The following MICAL3 variants were observed in gnomAD, a reference collection of about 807,000 sequenced individuals.
The protein encoded by MICAL3 is microtubule associated monooxygenase, calponin and LIM domain containing 3.
A neutral mutation model predicts 207.4 loss-of-function variants in MICAL3; 62 were observed. The ratio of observed to expected loss-of-function variants is 0.30; its 90% CI spans 0.24 to 0.37. The LOEUF is 0.37. Among genes scored for constraint, MICAL3 ranks in the 10% least tolerant of loss-of-function variants. MICAL3 has a pLI of 1.00. For synonymous variants in MICAL3, 1,077 were observed against 1,069.3 expected, an observed-to-expected ratio of 1.01 and a Z score of -0.14; for missense variants, 2,368 against 2,635.6, an observed-to-expected ratio of 0.90 and a Z score of 2.22.
chr22:17,931,021 G>A (rs1395852764), intron 1 of MICAL3, among the ~76,000 whole-genome samples: 4 of 152,196 alleles, frequency 2.6e-5, no homozygotes, highest in Non-Finnish European at 2.9e-5. Flanking sequence ...GCAACAGACC[G>A]GGTTCCGGGC....
rs1467692877 is a variant in MICAL3, at chr22:17,906,681, C to G, written c.132G>C (p.Lys44Asn). The change falls in exon 2 of 32, where the codon AAG becomes AAC. Residue 44 changes from lysine to asparagine, a missense_variant. Coordinates refer to ENST00000441493, the MANE Select transcript of MICAL3 (RefSeq NM_015241.3). ...ELCDHLELKP[K>N]DYRSFYHKLK... ...GCTTGTGATAGAAGGAGCGGTAGTC[C>G]TTTGGCTTTAGTTCCAGGTGGTCAC... is the stretch of plus-strand genomic sequence containing the variant. 1.2e-6 allele frequency: 2 copies of G among 1,613,872 alleles called. No individual in the cohort carries two copies. The highest frequency in any genetic ancestry group is 1.7e-6 in the Non-Finnish European group (2 of 1,179,896).
chr22:17,989,054 C>A (rs1320224083), intron 1 of MICAL3, among the ~76,000 whole-genome samples: 1 of 152,186 alleles, frequency 6.6e-6, no homozygotes, highest in Non-Finnish European at 1.5e-5. Flanking sequence ...CCCGCCTCCA[C>A]AAGATTAACT....
At chr22:17,932,161 CA>C (rs1205106173) in intron 1 of MICAL3, among the ~76,000 whole-genome samples, 1 of 152,026 alleles carries the variant, frequency 6.6e-6, no homozygotes, top group Admixed American at 6.6e-5. Context: ...AGAGCAACCC[CA>C]AGACACATAA....
At chr22:18,015,769 C>T (rs564569744) in intron 1 of MICAL3, among the ~76,000 whole-genome samples, 76 of 152,264 alleles carry the variant, frequency 5.0e-4, no homozygotes, top group African/African-American at 1.8e-3. Context: ...GATGTGCTTG[C>T]TATGTTCTAT....
At chr22:17,835,396 G>A (rs971244306) in intron 20 of MICAL3, among the ~76,000 whole-genome samples, 1 of 152,214 alleles carries the variant, frequency 6.6e-6, no homozygotes, top group Admixed American at 6.5e-5. Flanking sequence ...AGAGGAACCC[G>A]GCAGGAGTTT....
chr22:17,958,242 A>G (rs1014776616), intron 1 of MICAL3, among the ~76,000 whole-genome samples: 5 of 152,242 alleles, frequency 3.3e-5, no homozygotes, highest in Middle Eastern at 3.4e-3. Flanking sequence ...TCCTCTGTCC[A>G]TTACCTCATT....
At chr22:17,901,192 C>T (rs536650615) in intron 5 of MICAL3, among the ~76,000 whole-genome samples, 195 bp from the exon 6 acceptor site, 17 of 152,262 alleles carry the variant, frequency 1.1e-4, no homozygotes, top group South Asian at 6.2e-4. Context: ...GGGAAGAAGT[C>T]AAAGTCTCCA....
At chr22:17,986,341 G>A (rs1921011334) in intron 1 of MICAL3, among the ~76,000 whole-genome samples, 1 of 152,140 alleles carries the variant, frequency 6.6e-6, no homozygotes, top group South Asian at 2.1e-4. Context: ...CCAACATGGT[G>A]AAACCCTGTC....
rs181061931 is a variant in MICAL3 at position 17,820,056 on chromosome 22, G to A, written c.3532-927C>T. Among the ~76,000 whole-genome samples, 338 of 149,968 alleles carry A rather than the reference G, an allele frequency of 2.3e-3. 1 individual carries two copies. The highest frequency in any genetic ancestry group is 8.0e-3 in the African/African-American group (325 of 40,674). On this transcript the variant is annotated intron_variant, in intron 25 of 31. Coordinates refer to ENST00000441493, the MANE Select transcript of MICAL3 (RefSeq NM_015241.3). ...CTGAGGCAGGAGGATTGCTTGAGCC[G>A]AGGAGTTGGGAGGCTGCAGTGAGCC... is the stretch of plus-strand genomic sequence containing the variant.
chr22:17,885,172 G>A (rs1165471553), intron 16 of MICAL3, among the ~76,000 whole-genome samples: 1 of 152,234 alleles, frequency 6.6e-6, no homozygotes, highest in Non-Finnish European at 1.5e-5. Flanking sequence ...TGCATGGCAT[G>A]TGGGAGTGCT....
intron 1 of MICAL3, among the ~76,000 whole-genome samples, chr22:17,999,664 T>TG (rs1265506495): frequency 6.6e-6 from 1 of 152,098 alleles, no homozygotes; most frequent in Admixed American, 6.6e-5. Context: ...GGTGGGGGTT[T>TG]GGGGGGAGGA....
chr22:17,963,453 C>G (rs1203218504), intron 1 of MICAL3, among the ~76,000 whole-genome samples: 3 of 152,070 alleles, frequency 2.0e-5, no homozygotes, highest in African/African-American at 7.2e-5. Flanking sequence ...GGCTAAGGAC[C>G]TGACAGTCCC....
chr22:17,948,984 TG>T (rs1569143473), intron 1 of MICAL3, among the ~76,000 whole-genome samples: 1 of 149,872 alleles, frequency 6.7e-6, no homozygotes, highest in Non-Finnish European at 1.5e-5. Flanking sequence ...CCAAGGCGGA[TG>T]GATCACTTGA....
chr22:17,819,853 G>A (rs1244421688), intron 25 of MICAL3, among the ~76,000 whole-genome samples: 4 of 146,750 alleles, frequency 2.7e-5, no homozygotes, highest in African/African-American at 1.0e-4. Flanking sequence ...TGAGGCAGAA[G>A]AATGGCGTGA....
intron 1 of MICAL3, among the ~76,000 whole-genome samples, chr22:17,934,921 A>T (rs1933443092): frequency 6.6e-6 from 1 of 152,178 alleles, no homozygotes; most frequent in Admixed American, 6.5e-5. Flanking sequence ...GGACCTCTTC[A>T]AGGAGAACTA....
intron 29 of MICAL3, among the ~76,000 whole-genome samples, chr22:17,797,004 C>T (rs920379802): frequency 2.6e-5 from 4 of 152,138 alleles, no homozygotes; most frequent in African/African-American, 7.2e-5. Context: ...CAAGACTCTT[C>T]ACCTTGGCAC....
chr22:17,806,026 G>A (rs771658705), intron 29 of MICAL3, among the ~76,000 whole-genome samples: 68 of 152,236 alleles, frequency 4.5e-4, no homozygotes, highest in African/African-American at 1.2e-3. Context: ...CACCGCGCCC[G>A]GCCCAAATGT....
intron 1 of MICAL3, among the ~76,000 whole-genome samples, chr22:17,983,896 T>G (rs925691518): frequency 3.9e-5 from 6 of 151,990 alleles, no homozygotes; most frequent in Non-Finnish European, 7.4e-5. Flanking sequence ...GGAGACACTT[T>G]CACTAATTTA....
intron 15 of MICAL3, among the ~76,000 whole-genome samples, 182 bp downstream of exon 15, chr22:17,886,988 C>CAAA (rs55999508): frequency 3.4e-4 from 14 of 41,348 alleles, no homozygotes; most frequent in Non-Finnish European, 4.7e-4. Context: ...ACTCTTGTCT[C>CAAA]AAAAAAAAAA....
Sources: gnomAD v4.1 joint callset for allele counts (sites outside exome capture counted in the v4.1 genomes callset) on GRCh38, gnomAD v4.1.1 for gene constraint, MANE v1.5 for transcripts, NCBI Gene and HGNC (gene_info 2026-07-23, HGNC 2026-07-21) for gene names.